The following EFCAB14 variants were observed in gnomAD, a reference collection of about 807,000 sequenced individuals.
EFCAB14 encodes EF-hand calcium binding domain 14.
Under a neutral mutation model 56.5 loss-of-function variants are expected in EFCAB14, and 43 were observed. The ratio of observed to expected loss-of-function variants is 0.76; its 90% CI spans 0.60 to 0.98. The LOEUF (loss-of-function observed/expected upper bound fraction) is 0.98, where lower values mean the gene tolerates loss of function less well. EFCAB14 is among the 50% of genes least tolerant of loss of function. EFCAB14 has a pLI of 0.00. For synonymous variants in EFCAB14, 235 were observed against 212.9 expected (o/e 1.10, Z -0.90); for missense variants, 538 against 580.3 (o/e 0.93, Z 0.75).
At chr1:46,702,562 A>G (rs1677173466) in intron 3 of EFCAB14, among the ~76,000 whole-genome samples, 1 of 152,222 alleles carries the variant, frequency 6.6e-6, no homozygotes, top group Non-Finnish European at 1.5e-5. Flanking sequence ...AATGGAGAGA[A>G]CACCTCCTAC....
intron 10 of EFCAB14, among the ~76,000 whole-genome samples, chr1:46,679,427 C>T (rs1000501931): frequency 9.3e-5 from 14 of 150,984 alleles, no homozygotes; most frequent in Admixed American, 1.3e-4. Context: ...CAGCCTCCTG[C>T]GTAGCTGGGA....
chr1:46,701,802 C>T (rs1044583905), intron 3 of EFCAB14, among the ~76,000 whole-genome samples: 2 of 152,232 alleles, frequency 1.3e-5, no homozygotes, highest in African/African-American at 4.8e-5. Context: ...GGTCTTCTTA[C>T]TCACTTATAA....
chr1:46,688,931 T>A (rs1676933891), intron 6 of EFCAB14, among the ~76,000 whole-genome samples: 1 of 152,244 alleles, frequency 6.6e-6, no homozygotes, highest in African/African-American at 2.4e-5. Flanking sequence ...CAATACCGAT[T>A]ACTGAATTGG....
rs200482358 is a variant in EFCAB14 at position 46,705,825 on chromosome 1, A to AT, written c.480+2080dup. Among the ~76,000 whole-genome samples, 97 of 150,482 alleles carry AT rather than the reference A, an allele frequency of 6.4e-4. No individual in the cohort carries two copies. The East Asian group carries it at 0.017, about 26-fold the overall frequency. On this transcript the variant is annotated intron_variant, in intron 3 of 10. Transcript: ENST00000371933. The stretch of plus-strand genomic sequence containing the variant: ...TTGGTCTTTATCTAGAAGTGTAGTG[A>AT]TTTTTTTTTGTGGCCAGAAATGTGC...
intron 6 of EFCAB14, 42 bp from the exon 7 acceptor site, chr1:46,688,586 G>GT (rs1320079621): frequency 6.4e-7 from 1 of 1,565,814 alleles, no homozygotes. Flanking sequence ...CACTAAAGAC[G>GT]TAAATTAGAC....
chr1:46,678,299 A>T lies in EFCAB14; in HGVS notation c.*162T>A. On this transcript the variant is annotated 3_prime_UTR_variant, in exon 11 of 11. Transcript: ENST00000371933. ...CATAAGTAAAATGGTCTTCTTCTTT[A>T]AAAAAATAACTTTTATATAGCTTCT... The T allele has an allele frequency of 1.8e-6, 1 of 545,666 alleles. No homozygotes were observed. The highest frequency in any genetic ancestry group is 3.7e-5 in the South Asian group (1 of 27,072). The allele number at this position is 545,666 out of a possible 1,614,324, so 33.8% of individuals were successfully genotyped here.
chr1:46,704,136 C>G (rs571841284), intron 3 of EFCAB14, among the ~76,000 whole-genome samples: 1 of 152,046 alleles, frequency 6.6e-6, no homozygotes, highest in South Asian at 2.1e-4. Flanking sequence ...GTTTACTTTT[C>G]TATTTCCTCC....
intron 1 of EFCAB14, 39 bp downstream of exon 1, chr1:46,717,864 A>T (rs1677421660): frequency 6.3e-7 from 1 of 1,594,610 alleles, no homozygotes; most frequent in South Asian, 1.1e-5. Flanking sequence ...TAGTGCAAGG[A>T]GATGCCTTCT....
intron 2 of EFCAB14, among the ~76,000 whole-genome samples, chr1:46,712,981 T>A (rs896752263): frequency 1.3e-5 from 2 of 151,628 alleles, no homozygotes; most frequent in African/African-American, 4.8e-5. Context: ...GCCATTGCAC[T>A]CCAGCCTTGG....
chr1:46,684,885 T>C (rs1408818720), intron 8 of EFCAB14, among the ~76,000 whole-genome samples: 1 of 152,198 alleles, frequency 6.6e-6, no homozygotes, highest in East Asian at 1.9e-4. Flanking sequence ...GTGTCAGCAG[T>C]AAAGGAAATG....
intron 2 of EFCAB14, among the ~76,000 whole-genome samples, chr1:46,710,832 G>A (rs538505500): frequency 6.6e-6 from 1 of 152,144 alleles, no homozygotes; most frequent in Non-Finnish European, 1.5e-5. Flanking sequence ...GATTACAGGC[G>A]TGAGTTACCA....
chr1:46,696,561 C>A lies in EFCAB14; in HGVS notation c.569G>T (p.Gly190Val). Residue 190 changes from glycine to valine, a missense_variant, in exon 4 of 11, where the codon GGA becomes GTA. By Grantham distance (109) the Gly-to-Val change is moderately radical (BLOSUM62 -3). Coordinates refer to ENST00000371933, the MANE Select transcript of EFCAB14 (RefSeq NM_014774.3). The part of the protein sequence containing the change: ...DLISLPTTVE[G>V]LQKSVASIGN... ...ACACATGGCACCTACCTTCTGAAGT[C>A]CCTCTACAGTGGTAGGCAGGCTAAT... 6.2e-7 allele frequency: 1 copy of A among 1,613,354 alleles called. No homozygotes were observed. Among genetic ancestry groups the A allele is most frequent in the South Asian group, 1.1e-5 (1 of 91,006 alleles).
chr1:46,705,629 G>A (rs771818572), intron 3 of EFCAB14, among the ~76,000 whole-genome samples: 6 of 152,132 alleles, frequency 3.9e-5, no homozygotes, highest in Admixed American at 6.5e-5. Context: ...TGGGGGTGGC[G>A]TCCTGTCCAG....
At chr1:46,704,132 T>C (rs987273937) in intron 3 of EFCAB14, among the ~76,000 whole-genome samples, 1 of 152,100 alleles carries the variant, frequency 6.6e-6, no homozygotes, top group Non-Finnish European at 1.5e-5. Flanking sequence ...AACTGTTTAC[T>C]TTTCTATTTC....
At chr1:46,678,896 G>A (rs1676741578) in intron 10 of EFCAB14, among the ~76,000 whole-genome samples, 2 of 152,190 alleles carry the variant, frequency 1.3e-5, no homozygotes, top group African/African-American at 4.8e-5. Flanking sequence ...GCTGAGGCAG[G>A]AGGATTGCTT....
At chr1:46,688,636 G>T in intron 6 of EFCAB14, 92 bp from the exon 7 acceptor site, 2 of 1,067,886 alleles carry the variant, frequency 1.9e-6, no homozygotes, top group Non-Finnish European at 1.4e-6. Flanking sequence ...ACTATGTCAA[G>T]TACTGAAGTA....
chr1:46,706,281 C>T (rs1195644181), intron 3 of EFCAB14, among the ~76,000 whole-genome samples: 2 of 152,188 alleles, frequency 1.3e-5, no homozygotes, highest in Non-Finnish European at 2.9e-5. Context: ...ACTGTATCTG[C>T]CTTCTCAGGT....
At chr1:46,715,868 G>C (rs1677381087) in intron 2 of EFCAB14, among the ~76,000 whole-genome samples, 1 of 152,046 alleles carries the variant, frequency 6.6e-6, no homozygotes, top group East Asian at 1.9e-4. Flanking sequence ...ACGTATAATT[G>C]CTTCACTAGA....
Position 46,697,842 on chromosome 1 carries a change from T to TTC in EFCAB14, c.481-1195_481-1194dup, listed in dbSNP as rs753072329. ...AGTACTGTGCTAAGAATTTTTTCCTTTCTCTCTCTCTCTTTTTTTTTTTTT... is the reference window on the plus strand; with the variant it reads ...AGTACTGTGCTAAGAATTTTTTCCTTTCTCTCTCTCTCTCTTTTTTTTTTTTT... On this transcript the variant is annotated intron_variant, in intron 3 of 10. Transcript: ENST00000371933. Among the ~76,000 whole-genome samples the TTC allele has an allele frequency of 5.6e-3, 815 of 144,710 alleles. 15 individuals are homozygous for TTC. The highest frequency in any genetic ancestry group is 7.7e-3 in the Non-Finnish European group (514 of 66,498). The allele number at this position is 144,710 out of a possible 152,430, so 94.9% of individuals were successfully genotyped here.
Sources: allele counts gnomAD v4.1 joint callset (sites outside exome capture counted in the v4.1 genomes callset), GRCh38; gene constraint gnomAD v4.1.1; transcripts MANE v1.5; gene names NCBI Gene and HGNC (gene_info 2026-07-23, HGNC 2026-07-21).